The following SLC25A24 variants were observed in gnomAD, a reference collection of about 807,000 sequenced individuals.
SLC25A24 encodes the protein mitochondrial adenyl nucleotide antiporter SLC25A24.
A neutral mutation model predicts 60.7 loss-of-function variants in SLC25A24; 49 were observed. The observed-to-expected ratio is 0.81, with a 90% CI of 0.64 to 1.02. The LOEUF (loss-of-function observed/expected upper bound fraction) is 1.02. SLC25A24 is among the 50% of genes least tolerant of loss of function. The pLI is 0.00. For synonymous variants in SLC25A24, 202 were observed against 200.6 expected (o/e 1.01, Z -0.06); for missense variants, 564 against 586.3 (o/e 0.96, Z 0.39).
intron 1 of SLC25A24, among the ~76,000 whole-genome samples, chr1:108,197,637 G>A (rs1390458620): frequency 6.6e-6 from 1 of 152,158 alleles, no homozygotes; most frequent in Non-Finnish European, 1.5e-5. Context: ...CCAGATAACT[G>A]GTAAAACATG....
chr1:108,197,422 T>C (rs1648527910), intron 1 of SLC25A24, among the ~76,000 whole-genome samples: 1 of 152,196 alleles, frequency 6.6e-6, no homozygotes, highest in Admixed American at 6.5e-5. Context: ...AGATACAAAC[T>C]ACTACCTTGA....
In SLC25A24 at chr1:108,165,661, T is replaced by C. The variant is rs1313841491; in HGVS notation, c.399-4368A>G. On this transcript the variant is annotated intron_variant, in intron 3 of 9. Coordinates refer to ENST00000565488, the MANE Select transcript of SLC25A24 (RefSeq NM_013386.5). ...CATTTGCTTGGTAGATCTTCCTCCA[T>C]CCTTTTATTTTGAGTCTATGTGTGT... Among the ~76,000 whole-genome samples, 7 of 152,162 alleles carry C rather than the reference T, an allele frequency of 4.6e-5. No homozygotes were observed. In the East Asian group the frequency reaches 1.3e-3, roughly 29 times the overall value.
chr1:108,178,912 CAATG>C (rs1647810324), intron 3 of SLC25A24, among the ~76,000 whole-genome samples: 1 of 151,324 alleles, frequency 6.6e-6, no homozygotes, highest in South Asian at 2.1e-4. Flanking sequence ...ATCAGTGGGT[CAATG>C]AAGAAACTGA....
At chr1:108,146,943 G>A (rs1679609560) in intron 7 of SLC25A24, among the ~76,000 whole-genome samples, 1 of 152,188 alleles carries the variant, frequency 6.6e-6, no homozygotes, top group South Asian at 2.1e-4. Flanking sequence ...ATGAGTTAGG[G>A]AGGAATCTCT....
chr1:108,147,840 G>A lies in SLC25A24; in HGVS notation c.930+439C>T, dbSNP rs150120724. On this transcript the variant is annotated intron_variant, in intron 7 of 9. Transcript: ENST00000565488. Reference sequence around the variant, plus strand: ...CTACACTCTACCAGGGTTGGTCTGTGTGATCAATGGAATACAGCAGAAGAG... The same window carrying A: ...CTACACTCTACCAGGGTTGGTCTGTATGATCAATGGAATACAGCAGAAGAG... 3.6e-3 allele frequency among the ~76,000 whole-genome samples: 547 copies of A among 152,260 alleles called. 3 individuals carry two copies. The highest frequency in any genetic ancestry group is 0.012 in the African/African-American group (505 of 41,524).
intron 6 of SLC25A24, among the ~76,000 whole-genome samples, chr1:108,154,073 ATTTT>A (rs3043351): frequency 7.5e-6 from 1 of 133,484 alleles, no homozygotes; most frequent in Admixed American, 7.6e-5. Flanking sequence ...ATTTTCTTTA[ATTTT>A]TTTTTTTTTT....
rs551293104 is a variant in SLC25A24 at position 108,134,820 on chromosome 1, T to A, written c.*1833A>T. 1.3e-5 allele frequency: 2 copies of A among 152,176 alleles called. No individual in the cohort carries two copies. Among genetic ancestry groups the A allele is most frequent in the East Asian group, 3.9e-4 (2 of 5,186 alleles). 9.4% of individuals were successfully genotyped at this position (152,176 alleles called of 1,614,324 possible). A position where few individuals can be genotyped will look rare whatever the true frequency, so the allele number is the denominator to read the frequency against. On this transcript the variant is annotated 3_prime_UTR_variant, in exon 10 of 10. Coordinates refer to ENST00000565488, the MANE Select transcript of SLC25A24 (RefSeq NM_013386.5). ...AAAAAAATAAAAACTGGAAAACAAG[T>A]AATTTTAGAAACAAATATATATTTT...
intron 7 of SLC25A24, among the ~76,000 whole-genome samples, chr1:108,146,224 T>C (rs1225628049): frequency 6.6e-6 from 1 of 152,206 alleles, no homozygotes; most frequent in Non-Finnish European, 1.5e-5. Context: ...TTGTGTATTA[T>C]TGGTTAATAG....
intron 3 of SLC25A24, among the ~76,000 whole-genome samples, chr1:108,164,795 A>T (rs1680196860): frequency 1.0e-5 from 1 of 98,760 alleles, no homozygotes; most frequent in African/African-American, 4.7e-5. Flanking sequence ...TATTTCCTTC[A>T]GTTCTGCTCT....
chr1:108,182,768 G>C (rs927127367), intron 2 of SLC25A24, among the ~76,000 whole-genome samples: 1 of 152,076 alleles, frequency 6.6e-6, no homozygotes, highest in African/African-American at 2.4e-5. Flanking sequence ...GGGAGGCGGA[G>C]GTTGCAGTGA....
rs764817089 is a variant in SLC25A24, at chr1:108,181,952, C to G, written c.387G>C (p.Leu129Phe). Residue 129 changes from leucine to phenylalanine, a missense_variant, in exon 3 of 10, where the codon TTG becomes TTC. By Grantham distance (22) the Leu-to-Phe change is conservative. Coordinates refer to ENST00000565488, the MANE Select transcript of SLC25A24 (RefSeq NM_013386.5). The part of the protein sequence containing the change: ...GLTISEQQAE[L>F]ILQSIDVDGT... ...CATGAAGAGCTTACCTTTGAAGAAT[C>G]AACTCTGCTTGTTGTTCAGAAATAG... 1 of 1,608,412 alleles carries G rather than the reference C, an allele frequency of 6.2e-7. No homozygotes were observed. Among genetic ancestry groups the G allele is most frequent in the East Asian group, 2.2e-5 (1 of 44,768 alleles).
At chr1:108,150,277 G>C (rs1229892988) in intron 6 of SLC25A24, among the ~76,000 whole-genome samples, 2 of 152,130 alleles carry the variant, frequency 1.3e-5, no homozygotes, top group African/African-American at 4.8e-5. Context: ...TATACAAAGG[G>C]AAGACTTCAG....
chr1:108,148,365 C>T lies in SLC25A24; in HGVS notation c.844G>A (p.Glu282Lys), dbSNP rs763791102. 1 of 1,609,518 alleles carries T rather than the reference C, an allele frequency of 6.2e-7. No homozygotes were observed. Among genetic ancestry groups the T allele is most frequent in the Non-Finnish European group, 8.5e-7 (1 of 1,175,914 alleles). ...TCAAATGTTCCTATTTTTTGTCCTT[C>T]TTCAGTAAGTAACTTCTTGTACTGT... is the stretch of plus-strand genomic sequence containing the variant. ...YEQYKKLLTE[E>K]GQKIGTFERF... The change falls in exon 7 of 10, where the codon GAA becomes AAA. Residue 282 changes from glutamate (E) to lysine (K), a missense_variant. Transcript: ENST00000565488.
chr1:108,140,870 G>A (rs898802736), intron 8 of SLC25A24, among the ~76,000 whole-genome samples: 1 of 150,632 alleles, frequency 6.6e-6, no homozygotes. Flanking sequence ...AAGAGAGGAA[G>A]GGAAAAACAG....
rs546777374 is a variant in SLC25A24, at chr1:108,150,112, A to AC, written c.823-1727dup. On this transcript the variant is annotated intron_variant, in intron 6 of 9. Coordinates refer to ENST00000565488, the MANE Select transcript of SLC25A24 (RefSeq NM_013386.5). Reference sequence around the variant, plus strand: ...ATCATTAAACATAATTTGCTTAAAAACCTTCCTGCACTTTAACAGTAACTT... The same window carrying AC: ...ATCATTAAACATAATTTGCTTAAAAACCCTTCCTGCACTTTAACAGTAACTT... 2.0e-4 allele frequency among the ~76,000 whole-genome samples: 30 copies of AC among 152,008 alleles called. No homozygotes were observed. In the South Asian group the frequency reaches 3.5e-3, roughly 18 times the overall value.
chr1:108,197,959 G>A (rs1478987700), intron 1 of SLC25A24, among the ~76,000 whole-genome samples: 6 of 152,166 alleles, frequency 3.9e-5, no homozygotes, highest in East Asian at 1.9e-4. Context: ...TCTCTCATGA[G>A]ACTGAATTAG....
At position 108,154,958 on chromosome 1, in the gene SLC25A24, A is replaced by G. The variant is rs768975202; in HGVS notation, c.822+25T>C. 8.8e-5 allele frequency: 138 copies of G among 1,562,938 alleles called. No homozygotes were observed. In the Admixed American group the frequency reaches 2.5e-3, roughly 29 times the overall value. On this transcript the variant is annotated intron_variant, in intron 6 of 9. Coordinates refer to ENST00000565488, the MANE Select transcript of SLC25A24 (RefSeq NM_013386.5). The stretch of plus-strand genomic sequence containing the variant: ...CGTTTACTAACTCCTCTTTGTTAAT[A>G]AATTCCACGGGTGATAACAATTACC...
At chr1:108,175,819 T>C (rs1215126051) in intron 3 of SLC25A24, among the ~76,000 whole-genome samples, 1 of 152,242 alleles carries the variant, frequency 6.6e-6, no homozygotes, top group African/African-American at 2.4e-5. Context: ...AGAAACAATT[T>C]GGAAGTTCTT....
chr1:108,174,743 T>C (rs922823279), intron 3 of SLC25A24, among the ~76,000 whole-genome samples: 1 of 152,208 alleles, frequency 6.6e-6, no homozygotes, highest in African/African-American at 2.4e-5. Flanking sequence ...CCCAAGGCCA[T>C]GGGAGCCCAC....
Sources: gnomAD v4.1 joint callset for allele counts (sites outside exome capture counted in the v4.1 genomes callset) on GRCh38, gnomAD v4.1.1 for gene constraint, MANE v1.5 for transcripts, NCBI Gene and HGNC (gene_info 2026-07-23, HGNC 2026-07-21) for gene names.